The following MAP4K4 variants were observed in gnomAD, a reference collection of about 807,000 sequenced individuals.
MAP4K4 encodes mitogen-activated protein kinase kinase kinase kinase 4.
Under a neutral mutation model 189.6 loss-of-function variants are expected in MAP4K4, and 38 were observed. The ratio of observed to expected loss-of-function variants is 0.20; its 90% CI spans 0.15 to 0.26. MAP4K4 has a LOEUF of 0.26. MAP4K4 is among the 10% of genes least tolerant of loss of function. MAP4K4 has a pLI of 1.00. For missense variants in MAP4K4, 1,054 were observed against 1,726.9 expected, an observed-to-expected ratio of 0.61 and a Z score of 6.91; for synonymous variants, 610 against 624.3, an observed-to-expected ratio of 0.98 and a Z score of 0.34.
At chr2:101,796,410 C>T (rs894095186) in intron 3 of MAP4K4, among the ~76,000 whole-genome samples, 1 of 152,148 alleles carries the variant, frequency 6.6e-6, no homozygotes, top group Non-Finnish European at 1.5e-5. Context: ...GAGCCCACTC[C>T]CTTCTGTCTG....
At position 101,841,677 on chromosome 2, in the gene MAP4K4, C is replaced by T. The variant is rs1262047499; in HGVS notation, c.950-932C>T. Among the ~76,000 whole-genome samples the T allele has an allele frequency of 2.0e-5, 3 of 152,122 alleles. No individual in the cohort carries two copies. In the East Asian group the frequency reaches 5.8e-4, roughly 29 times the overall value. On this transcript the variant is annotated intron_variant, in intron 10 of 32. Transcript: ENST00000324219. ...AGAGACAGGCTTTCACCATGTTGGTCAGGCTGGTCTTGAACCCCTGATCTC... is the reference window on the plus strand; with the variant it reads ...AGAGACAGGCTTTCACCATGTTGGTTAGGCTGGTCTTGAACCCCTGATCTC...
chr2:101,768,850 A>C (rs1391040179), intron 2 of MAP4K4, among the ~76,000 whole-genome samples: 1 of 152,206 alleles, frequency 6.6e-6, no homozygotes, highest in Non-Finnish European at 1.5e-5. Context: ...AGAAGGCACA[A>C]ATGCCTTTTA....
At chr2:101,766,501 T>G (rs951876925) in intron 2 of MAP4K4, among the ~76,000 whole-genome samples, 12 of 152,166 alleles carry the variant, frequency 7.9e-5, no homozygotes, top group Non-Finnish European at 2.9e-5. Context: ...AGTGACTTCA[T>G]GCAATATAAA....
At chr2:101,770,580 T>C (rs2080919886) in intron 2 of MAP4K4, among the ~76,000 whole-genome samples, 1 of 152,230 alleles carries the variant, frequency 6.6e-6, no homozygotes, top group South Asian at 2.1e-4. Flanking sequence ...CCCCCTGGCC[T>C]GTTCATTCTA....
At chr2:101,825,902 T>G (rs2096333231) in intron 5 of MAP4K4, among the ~76,000 whole-genome samples, 2 of 152,228 alleles carry the variant, frequency 1.3e-5, no homozygotes, top group African/African-American at 4.8e-5. Context: ...TTTAATATTA[T>G]TTACAGCCAT....
chr2:101,786,195 T>A (rs1467693176), intron 2 of MAP4K4, among the ~76,000 whole-genome samples: 1 of 152,124 alleles, frequency 6.6e-6, no homozygotes, highest in Non-Finnish European at 1.5e-5. Context: ...GGCTCCTCTC[T>A]ATGGGCCAGG....
chr2:101,780,909 C>T (rs1453726044), intron 2 of MAP4K4, among the ~76,000 whole-genome samples: 1 of 152,052 alleles, frequency 6.6e-6, no homozygotes, highest in Non-Finnish European at 1.5e-5. Flanking sequence ...AAATGAATAA[C>T]TTTATATGTA....
At chr2:101,816,693 T>G (rs767724614) in intron 3 of MAP4K4, among the ~76,000 whole-genome samples, 2 of 152,188 alleles carry the variant, frequency 1.3e-5, no homozygotes, top group Admixed American at 6.5e-5. Flanking sequence ...TACTAAGAAG[T>G]TGAGGGTCTG....
At chr2:101,850,309 G>A (rs1371013944) in intron 12 of MAP4K4, among the ~76,000 whole-genome samples, 2 of 152,184 alleles carry the variant, frequency 1.3e-5, no homozygotes, top group Admixed American at 1.3e-4. Flanking sequence ...AACTCTGTGT[G>A]AAATGGGATT....
chr2:101,718,145 A>T (rs1468414665), intron 2 of MAP4K4, among the ~76,000 whole-genome samples: 5 of 151,978 alleles, frequency 3.3e-5, no homozygotes. Flanking sequence ...AATCCCAGCT[A>T]CTAGGGAGGC....
intron 2 of MAP4K4, among the ~76,000 whole-genome samples, chr2:101,765,839 A>T (rs866058070): frequency 6.6e-5 from 10 of 152,266 alleles, no homozygotes; most frequent in South Asian, 2.1e-4. Flanking sequence ...ATAGTATTTC[A>T]ATTTCTGAGA....
intron 32 of MAP4K4, among the ~76,000 whole-genome samples, chr2:101,889,953 C>T (rs2098541998): frequency 6.6e-6 from 1 of 152,176 alleles, no homozygotes; most frequent in Admixed American, 6.5e-5. Context: ...CAGATTATCT[C>T]CCAAATCTGT....
chr2:101,891,045 C>A, intron 32 of MAP4K4, 121 bp from the exon 33 acceptor site: 1 of 757,406 alleles, frequency 1.3e-6, no homozygotes, highest in Non-Finnish European at 2.3e-6. Context: ...TTTGAAAAGG[C>A]TCTTTGGGAG....
At chr2:101,745,862 G>A (rs980825459) in intron 2 of MAP4K4, among the ~76,000 whole-genome samples, 4 of 148,966 alleles carry the variant, frequency 2.7e-5, no homozygotes, top group African/African-American at 9.9e-5. Context: ...TTTCCTTTGA[G>A]TGAGTCTGCT....
chr2:101,887,024 CAAAAAAAAAA>C (rs569902749), intron 29 of MAP4K4, 54 bp from the exon 30 acceptor site: 38 of 847,536 alleles, frequency 4.5e-5, no homozygotes, highest in Non-Finnish European at 6.0e-5. Context: ...GACTCCGTCT[CAAAAAAAAAA>C]AAAAAAAAAA....
chr2:101,873,612 C>A, intron 24 of MAP4K4, 35 bp from the exon 25 acceptor site: 1 of 1,085,524 alleles, frequency 9.2e-7, no homozygotes, highest in South Asian at 1.3e-5. Context: ...TTTAAAATGC[C>A]AGTTGTATTA....
chr2:101,820,470 C>T (rs763343357), intron 3 of MAP4K4, among the ~76,000 whole-genome samples: 1 of 152,144 alleles, frequency 6.6e-6, no homozygotes, highest in Non-Finnish European at 1.5e-5. Flanking sequence ...TTTTTATACC[C>T]CAAATCCTTA....
chr2:101,829,482 C>T, intron 5 of MAP4K4, 22 bp from the exon 6 acceptor site: 1 of 1,552,684 alleles, frequency 6.4e-7, no homozygotes. Flanking sequence ...AACTAAAATT[C>T]AGGTCTGTCT....
chr2:101,724,646 G>T lies in MAP4K4; in HGVS notation c.123+26108G>T, dbSNP rs2054199806. ...CTCTCTTAGGAGGGAATGAAAACAG[G>T]ATCAGCTTTGCCTTTAGAACTTAAG... On this transcript the variant is annotated intron_variant, in intron 2 of 32. Coordinates refer to ENST00000324219, the Ensembl canonical transcript of MAP4K4. Among the ~76,000 whole-genome samples the T allele has an allele frequency of 2.0e-5, 3 of 152,198 alleles. No homozygotes were observed. The South Asian group carries it at 6.2e-4, about 31-fold the overall frequency.
Sources: allele counts gnomAD v4.1 joint callset (sites outside exome capture counted in the v4.1 genomes callset), GRCh38; gene constraint gnomAD v4.1.1; transcripts MANE v1.5; gene names NCBI Gene and HGNC (gene_info 2026-07-23, HGNC 2026-07-21).